The following SRPK2 variants were observed in gnomAD, a reference collection of about 807,000 sequenced individuals.
SRPK2 encodes the protein SFRS protein kinase 2.
In SRPK2, 21 loss-of-function variants were observed where a neutral mutation model predicts 90.8. That is an observed-to-expected ratio of 0.23 (90% CI 0.16 to 0.33). The LOEUF (loss-of-function observed/expected upper bound fraction) is 0.33, where lower values mean the gene tolerates loss of function less well. SRPK2 is among the 10% of genes least tolerant of loss of function. The pLI, the probability that SRPK2 is intolerant of heterozygous loss-of-function variation, is 1.00. For synonymous variants in SRPK2, 288 were observed against 311.1 expected (o/e 0.93, Z 0.78); for missense variants, 620 against 869.0 (o/e 0.71, Z 3.60).
Position 105,200,628 on chromosome 7 carries a change from C to T in SRPK2, c.229+3000G>A, listed in dbSNP as rs76666195. Among the ~76,000 whole-genome samples the T allele has an allele frequency of 2.7e-3, 413 of 152,320 alleles. 7 individuals are homozygous for T. The East Asian group carries it at 0.044, about 16-fold the overall frequency. ...GTCAGGGATATCTGGCAGACACAAT[C>T]TTGATCAAGTGAAGGCATCAACTCC... On this transcript the variant is annotated intron_variant, in intron 3 of 15. Transcript: ENST00000393651.
chr7:105,392,389 GT>G (rs376942847), upstream of SRPK2, among the ~76,000 whole-genome samples: 260 of 152,348 alleles, frequency 1.7e-3, no homozygotes, highest in African/African-American at 5.9e-3. Flanking sequence ...AAAGTTACTT[GT>G]GTGGGGTGAT....
In SRPK2 at chr7:105,302,828, C is replaced by A. The variant is rs1810709444; in HGVS notation, c.71+85820G>T. ...CCTTAAAACATTTCTCTTGCATATA[C>A]CAGGATGGGAGTAAAAGATGCCTTA... On this transcript the variant is annotated intron_variant, in intron 2 of 15. Coordinates refer to ENST00000393651, the MANE Select transcript of SRPK2 (RefSeq NM_182692.3). Among the ~76,000 whole-genome samples the A allele has an allele frequency of 2.0e-5, 3 of 152,024 alleles. No homozygotes were observed. The South Asian group carries it at 6.2e-4, about 32-fold the overall frequency.
chr7:105,155,738 C>T lies in SRPK2; in HGVS notation c.621+4769G>A, dbSNP rs1439529523. The stretch of plus-strand genomic sequence containing the variant: ...GCCTTTGTCACAATGGTGGGATTTT[C>T]GTTGAGTCTTAAAAATGTGGGTAGA... On this transcript the variant is annotated intron_variant, in intron 7 of 15. Coordinates refer to ENST00000393651, the MANE Select transcript of SRPK2 (RefSeq NM_182692.3). 9.2e-5 allele frequency among the ~76,000 whole-genome samples: 14 copies of T among 152,088 alleles called. 1 individual carries two copies. The highest frequency in any genetic ancestry group is 2.4e-4 in the African/African-American group (10 of 41,412).
chr7:105,312,063 C>T (rs1047838670), intron 2 of SRPK2, among the ~76,000 whole-genome samples: 9 of 152,054 alleles, frequency 5.9e-5, no homozygotes, highest in African/African-American at 1.9e-4. Flanking sequence ...TGGATGGACA[C>T]TGAGGACAAA....
At chr7:105,217,134 C>T (rs189544501) in intron 2 of SRPK2, among the ~76,000 whole-genome samples, 21 of 152,346 alleles carry the variant, frequency 1.4e-4, no homozygotes, top group African/African-American at 5.1e-4. Context: ...CTCTGTTCAT[C>T]TCTGACTATC....
intron 2 of SRPK2, among the ~76,000 whole-genome samples, chr7:105,334,841 A>C (rs893928111): frequency 8.6e-5 from 13 of 150,342 alleles, no homozygotes; most frequent in Admixed American, 2.0e-4. Flanking sequence ...GACCAAAAAA[A>C]AAAAAAACAA....
chr7:105,252,892 C>CA (rs528673654), intron 2 of SRPK2, among the ~76,000 whole-genome samples: 19 of 151,798 alleles, frequency 1.3e-4, no homozygotes, highest in South Asian at 2.1e-4. Context: ...TATAGGCACG[C>CA]ACCCCACGTC....
chr7:105,315,320 T>C (rs538732341), intron 2 of SRPK2, among the ~76,000 whole-genome samples: 7 of 152,336 alleles, frequency 4.6e-5, no homozygotes, highest in Admixed American at 1.3e-4. Flanking sequence ...ATAAGAATTT[T>C]AATAATACTA....
chr7:105,274,091 C>T (rs920971961), intron 2 of SRPK2, among the ~76,000 whole-genome samples: 1 of 152,176 alleles, frequency 6.6e-6, no homozygotes, highest in African/African-American at 2.4e-5. Context: ...ACTTCAACAA[C>T]CCAAATAGTA....
At chr7:105,377,312 A>G (rs915391306) in intron 2 of SRPK2, among the ~76,000 whole-genome samples, 1 of 152,082 alleles carries the variant, frequency 6.6e-6, no homozygotes, top group Non-Finnish European at 1.5e-5. Flanking sequence ...CTCCCAATAT[A>G]TATCACCCTC....
chr7:105,318,683 A>G (rs1812576667), intron 2 of SRPK2, among the ~76,000 whole-genome samples: 1 of 152,202 alleles, frequency 6.6e-6, no homozygotes, highest in African/African-American at 2.4e-5. Context: ...TCAATATTCT[A>G]GCTTAATCAA....
At chr7:105,278,314 CAAA>C (rs34389951) in intron 2 of SRPK2, among the ~76,000 whole-genome samples, 16 of 104,062 alleles carry the variant, frequency 1.5e-4, no homozygotes, top group African/African-American at 2.7e-4. Context: ...GATTCTGTCT[CAAA>C]AAAAAAAAAA....
chr7:105,364,666 T>C (rs1336978974), intron 2 of SRPK2, among the ~76,000 whole-genome samples: 1 of 152,014 alleles, frequency 6.6e-6, no homozygotes, highest in South Asian at 2.1e-4. Flanking sequence ...CCTCCCAAAG[T>C]GCTGGGGTTA....
At chr7:105,226,172 AAAT>A (rs1219104593) in intron 2 of SRPK2, among the ~76,000 whole-genome samples, 9 of 152,218 alleles carry the variant, frequency 5.9e-5, no homozygotes, top group African/African-American at 2.2e-4. Context: ...AAGAAACATA[AAAT>A]AATATTTGTC....
At chr7:105,126,436 G>C (rs1801221008) in intron 14 of SRPK2, 96 bp from the exon 15 acceptor site, 1 of 915,190 alleles carries the variant, frequency 1.1e-6, no homozygotes, top group African/African-American at 1.7e-5. Context: ...TAAAAAATCA[G>C]AAATAGATTC....
upstream of SRPK2, among the ~76,000 whole-genome samples, chr7:105,394,269 A>G (rs1449384225): frequency 6.6e-6 from 1 of 151,866 alleles, no homozygotes; most frequent in East Asian, 1.9e-4. Context: ...CAGCCTCCGA[A>G]GTAGCTGGGA....
upstream of SRPK2, among the ~76,000 whole-genome samples, chr7:105,391,949 C>T (rs1822193418): frequency 6.6e-6 from 1 of 152,106 alleles, no homozygotes; most frequent in Non-Finnish European, 1.5e-5. Context: ...TGGAAAAAAC[C>T]TAAATGGTCA....
At chr7:105,173,147 T>G (rs539602811) in intron 3 of SRPK2, among the ~76,000 whole-genome samples, 71 of 152,000 alleles carry the variant, frequency 4.7e-4, no homozygotes, top group Non-Finnish European at 6.9e-4. Context: ...GCGGGCTAGC[T>G]CTGTCACCCA....
At chr7:105,207,749 T>C (rs1563083671) in intron 2 of SRPK2, among the ~76,000 whole-genome samples, 2 of 152,212 alleles carry the variant, frequency 1.3e-5, no homozygotes, top group East Asian at 3.8e-4. Flanking sequence ...GGTTAGGCAA[T>C]GTTTCTTAAA....
Sources: gnomAD v4.1 joint callset for allele counts (sites outside exome capture counted in the v4.1 genomes callset) on GRCh38, gnomAD v4.1.1 for gene constraint, MANE v1.5 for transcripts, NCBI Gene and HGNC (gene_info 2026-07-23, HGNC 2026-07-21) for gene names.